Variants in CAB39L observed in about 807,000 individuals in gnomAD.
CAB39L encodes calcium-binding protein 39-like.
In CAB39L, 23 loss-of-function variants were observed where a neutral mutation model predicts 39.1. The ratio of observed to expected loss-of-function variants is 0.59; its 90% confidence interval spans 0.42 to 0.83. The LOEUF (loss-of-function observed/expected upper bound fraction) is 0.83. CAB39L is among the 40% of genes least tolerant of loss of function. CAB39L has a pLI of 0.00. For synonymous variants in CAB39L, 126 were observed against 137.2 expected (o/e 0.92, Z 0.57); for missense variants, 366 against 391.9 (o/e 0.93, Z 0.56).
chr13:49,423,318 G>A (rs1957199851), intron 3 of CAB39L, among the ~76,000 whole-genome samples: 1 of 152,244 alleles, frequency 6.6e-6, no homozygotes, highest in South Asian at 2.1e-4. Flanking sequence ...CTGCCTTAAA[G>A]AGATGATGCC....
At chr13:49,312,575 G>C (rs1366864160) in intron 10 of CAB39L, among the ~76,000 whole-genome samples, 1 of 152,172 alleles carries the variant, frequency 6.6e-6, no homozygotes, top group African/African-American at 2.4e-5. Flanking sequence ...CACCACCTAG[G>C]TCTGCGTAAA....
At chr13:49,324,504 G>A (rs899176121) in intron 10 of CAB39L, among the ~76,000 whole-genome samples, 11 of 152,124 alleles carry the variant, frequency 7.2e-5, no homozygotes, top group Non-Finnish European at 1.5e-4. Context: ...GCGCTTCTAC[G>A]AAATACAAAG....
chr13:49,411,363 T>A (rs1956986085), intron 3 of CAB39L, among the ~76,000 whole-genome samples: 1 of 140,436 alleles, frequency 7.1e-6, no homozygotes, highest in South Asian at 2.2e-4. Flanking sequence ...TGAGCCGAGA[T>A]AACGTCACTG....
At chr13:49,408,785 T>C (rs1231191725) in intron 3 of CAB39L, among the ~76,000 whole-genome samples, 1 of 151,854 alleles carries the variant, frequency 6.6e-6, no homozygotes. Flanking sequence ...GAGCTGAGAT[T>C]GCACCACCGC....
intron 6 of CAB39L, among the ~76,000 whole-genome samples, chr13:49,357,384 AGCT>A (rs1955516083): frequency 6.6e-6 from 1 of 152,228 alleles, no homozygotes; most frequent in Non-Finnish European, 1.5e-5. Context: ...ACATTACAAC[AGCT>A]GGCACATAGC....
chr13:49,340,402 G>A (rs1183954476), intron 8 of CAB39L, among the ~76,000 whole-genome samples: 6 of 152,192 alleles, frequency 3.9e-5, no homozygotes, highest in South Asian at 2.1e-4. Flanking sequence ...AGGAATGAGC[G>A]CAGCCAGGAC....
At chr13:49,345,978 T>C (rs1203423835) in intron 7 of CAB39L, among the ~76,000 whole-genome samples, 1 of 150,304 alleles carries the variant, frequency 6.7e-6, no homozygotes, top group Non-Finnish European at 1.5e-5. Context: ...CACTTTCAAA[T>C]TCCAAGGCAA....
At chr13:49,435,738 C>T (rs9535243) in intron 1 of CAB39L, among the ~76,000 whole-genome samples, 120,207 of 152,186 alleles carry the variant, frequency 0.79, 48,267 homozygotes, top group African/African-American at 0.93. Flanking sequence ...TGACCTCAAG[C>T]GATCTGCCCA....
intron 8 of CAB39L, among the ~76,000 whole-genome samples, chr13:49,340,461 C>T (rs1164163814): frequency 6.6e-6 from 1 of 152,114 alleles, no homozygotes; most frequent in Non-Finnish European, 1.5e-5. Flanking sequence ...TCCTAGCCCT[C>T]GGAGAGTCAA....
At chr13:49,422,767 C>T (rs1957189322) in intron 3 of CAB39L, among the ~76,000 whole-genome samples, 2 of 152,064 alleles carry the variant, frequency 1.3e-5, no homozygotes, top group East Asian at 1.9e-4. Context: ...TTAAACTTAC[C>T]GTTGATTAGA....
intron 5 of CAB39L, among the ~76,000 whole-genome samples, chr13:49,374,939 C>G (rs1468250031): frequency 6.6e-6 from 1 of 152,112 alleles, no homozygotes; most frequent in Non-Finnish European, 1.5e-5. Flanking sequence ...ACAAGCAAAA[C>G]AACAGAAAAT....
chr13:49,376,971 A>C lies in CAB39L; in HGVS notation c.272T>G (p.Phe91Cys), dbSNP rs1485569854. The C allele has an allele frequency of 6.2e-7, 1 of 1,606,548 alleles. No individual in the cohort carries two copies. Among genetic ancestry groups the C allele is most frequent in the South Asian group, 1.1e-5 (1 of 89,762 alleles). Reference protein sequence around the residue: ...TLIADLQLIDFEGKKDVTQIF... With the variant: ...TLIADLQLIDCEGKKDVTQIF... The stretch of plus-strand genomic sequence containing the variant: ...ATCCTTTTACAGCTGGCTTACCTCA[A>C]AGTCTATCAGCTGCAGGTCAGCTAT... The change falls in exon 5 of 11, where the codon TTT (phenylalanine) becomes TGT (cysteine). Residue 91 changes from phenylalanine (F) to cysteine (C), a missense_variant. Physicochemically the swap from Phe to Cys is radical, Grantham distance 205. Coordinates refer to ENST00000409308, the MANE Select transcript of CAB39L (RefSeq NM_001079670.3).
rs1249761069 is a variant in CAB39L, at chr13:49,372,907, T to C, written c.276+4060A>G. The stretch of plus-strand genomic sequence containing the variant: ...CTAGGATGGTCTCGATCTCCTGACC[T>C]TGTGATCCGCCCGCCTCGGCCTCCC... On this transcript the variant is annotated intron_variant, in intron 5 of 10. Coordinates refer to ENST00000409308, the MANE Select transcript of CAB39L (RefSeq NM_001079670.3). Among the ~76,000 whole-genome samples the C allele has an allele frequency of 8.5e-5, 13 of 152,270 alleles. No individual in the cohort carries two copies. In the South Asian group the frequency reaches 2.1e-3, roughly 24 times the overall value.
chr13:49,346,120 T>TATATATATATATC (rs10663110), intron 7 of CAB39L, among the ~76,000 whole-genome samples: 988 of 88,460 alleles, frequency 0.011, 85 homozygotes, highest in African/African-American at 0.029. Flanking sequence ...TATATATATA[T>TATATATATATATC]ATATCATGGA....
At chr13:49,363,663 A>C (rs192214017) in intron 5 of CAB39L, among the ~76,000 whole-genome samples, 4 of 152,034 alleles carry the variant, frequency 2.6e-5, no homozygotes, top group Admixed American at 2.6e-4. Context: ...CAATAATAAC[A>C]TTGTATGTAA....
chr13:49,374,090 T>A (rs551275788), intron 5 of CAB39L, among the ~76,000 whole-genome samples: 34 of 152,366 alleles, frequency 2.2e-4, no homozygotes, highest in African/African-American at 8.2e-4. Flanking sequence ...CATTTATTCA[T>A]TCAACCAGGA....
intron 3 of CAB39L, among the ~76,000 whole-genome samples, chr13:49,404,081 T>TG (rs1490082071): frequency 6.6e-6 from 1 of 152,230 alleles, no homozygotes; most frequent in African/African-American, 2.4e-5. Context: ...CCCAGTACTG[T>TG]GCTGGCTTCA....
intron 3 of CAB39L, among the ~76,000 whole-genome samples, chr13:49,426,671 T>C (rs1029657228): frequency 6.6e-6 from 1 of 152,170 alleles, no homozygotes; most frequent in Non-Finnish European, 1.5e-5. Context: ...GTGATCTGCC[T>C]GCCTCGGCCT....
intron 7 of CAB39L, among the ~76,000 whole-genome samples, chr13:49,346,077 T>C (rs1306317653): frequency 1.8e-4 from 5 of 27,950 alleles, no homozygotes; most frequent in Non-Finnish European, 3.9e-4. Flanking sequence ...ATATGCTAGA[T>C]ATATATATAT....
Sources: gnomAD v4.1 joint callset for allele counts (sites outside exome capture counted in the v4.1 genomes callset) on GRCh38, gnomAD v4.1.1 for gene constraint, MANE v1.5 for transcripts, NCBI Gene and HGNC (gene_info 2026-07-23, HGNC 2026-07-21) for gene names.